SLC7A1: variants seen among roughly 807,000 people sequenced by gnomAD.
The protein encoded by SLC7A1 is solute carrier family 7 member 1.
In SLC7A1, 10 loss-of-function variants were observed where a neutral mutation model predicts 53.9. The observed-to-expected ratio is 0.19, with a 90% confidence interval of 0.11 to 0.31. The LOEUF (loss-of-function observed/expected upper bound fraction) is 0.31, where lower values mean the gene tolerates loss of function less well. Among genes scored for constraint, SLC7A1 ranks in the 10% least tolerant of loss-of-function variants. The pLI, the probability that SLC7A1 is intolerant of heterozygous loss-of-function variation, is 1.00. For missense variants in SLC7A1, 525 were observed against 827.2 expected, an observed-to-expected ratio of 0.63 and a Z score of 4.48; for synonymous variants, 342 against 338.7, an observed-to-expected ratio of 1.01 and a Z score of -0.11.
At position 29,513,472 on chromosome 13, in the gene SLC7A1, A is replaced by C. The variant is rs1448139246; in HGVS notation, c.*1008T>G. ...CAGCTTATGTCAGGGCCAGAAACGC[A>C]TGACCCCGACATGTCCTGACCCCAG... On this transcript the variant is annotated 3_prime_UTR_variant, in exon 13 of 13. Transcript: ENST00000380752. The C allele has an allele frequency of 6.5e-6, 1 of 152,680 alleles. No homozygotes were observed. Among genetic ancestry groups the C allele is most frequent in the Admixed American group, 6.5e-5 (1 of 15,276 alleles). 9.5% of individuals were successfully genotyped at this position (152,680 alleles called of 1,614,324 possible). A position where few individuals can be genotyped will look rare whatever the true frequency, so the allele number is the denominator to read the frequency against.
At chr13:29,519,985 G>A (rs909443275) in intron 8 of SLC7A1, among the ~76,000 whole-genome samples, 58 of 151,980 alleles carry the variant, frequency 3.8e-4, no homozygotes, top group African/African-American at 1.4e-3. Context: ...ACAGACTCAT[G>A]TGCATCCATC....
chr13:29,591,574 G>T (rs1023046395), intron 1 of SLC7A1, among the ~76,000 whole-genome samples: 9 of 152,184 alleles, frequency 5.9e-5, no homozygotes, highest in African/African-American at 2.2e-4. Flanking sequence ...AAAGAAACAG[G>T]AAAGCAGCTG....
intron 1 of SLC7A1, among the ~76,000 whole-genome samples, chr13:29,554,758 C>T (rs1348141181): frequency 2.0e-5 from 3 of 152,158 alleles, no homozygotes; most frequent in Non-Finnish European, 2.9e-5. Flanking sequence ...ATAACTTAGA[C>T]AGCAGCAAAC....
chr13:29,527,571 C>T (rs1162596252), intron 5 of SLC7A1, among the ~76,000 whole-genome samples: 1 of 152,210 alleles, frequency 6.6e-6, no homozygotes, highest in Non-Finnish European at 1.5e-5. Flanking sequence ...AAGAGAGGGG[C>T]TGCCAAGAGC....
intron 2 of SLC7A1, among the ~76,000 whole-genome samples, chr13:29,536,498 G>T (rs1197603992): frequency 6.6e-6 from 1 of 152,178 alleles, no homozygotes; most frequent in African/African-American, 2.4e-5. Flanking sequence ...TCCATGGGTG[G>T]AAATTATGCA....
intron 9 of SLC7A1, 125 bp from the exon 10 acceptor site, chr13:29,517,915 A>G (rs554678944): frequency 1.4e-6 from 1 of 718,188 alleles, no homozygotes; most frequent in East Asian, 2.7e-5. Context: ...TGGGAAGGAT[A>G]TAGTCAAATG....
intron 2 of SLC7A1, among the ~76,000 whole-genome samples, chr13:29,536,783 T>C (rs1869440074): frequency 6.6e-6 from 1 of 152,146 alleles, no homozygotes; most frequent in Non-Finnish European, 1.5e-5. Flanking sequence ...AGCAGAAAAA[T>C]GTTGAGTTAT....
At chr13:29,544,675 A>T (rs1869828703) in intron 2 of SLC7A1, among the ~76,000 whole-genome samples, 1 of 152,162 alleles carries the variant, frequency 6.6e-6, no homozygotes, top group Non-Finnish European at 1.5e-5. Flanking sequence ...GCATTTGACC[A>T]ATGAAAGGTG....
intron 1 of SLC7A1, among the ~76,000 whole-genome samples, chr13:29,555,893 C>A (rs748057694): frequency 2.0e-5 from 3 of 152,100 alleles, no homozygotes. Context: ...TTTGGAAGAT[C>A]CACGTAATTC....
intron 1 of SLC7A1, among the ~76,000 whole-genome samples, chr13:29,566,352 G>A (rs1308579656): frequency 1.3e-5 from 2 of 152,202 alleles, no homozygotes; most frequent in Admixed American, 1.3e-4. Context: ...ATTCATAATA[G>A]GCAAAAAGCA....
chr13:29,562,370 C>G (rs189452420), intron 1 of SLC7A1, among the ~76,000 whole-genome samples: 1 of 152,252 alleles, frequency 6.6e-6, no homozygotes, highest in East Asian at 1.9e-4. Flanking sequence ...GGTTGGGTGT[C>G]TCTGATCCAA....
rs1318130193 is a variant in SLC7A1, at chr13:29,523,313, A to G, written c.1002T>C (p.Gly334=). Residue 334 remains glycine (G), a synonymous_variant, in exon 7 of 13, where the codon GGT becomes GGC. Coordinates refer to ENST00000380752, the MANE Select transcript of SLC7A1 (RefSeq NM_003045.5). Reference sequence around the variant, plus strand: ...AGCCCACGGCCACTGCGTACTTGGCACCTTCCCAGCCCACGTGCTTAAAGG... The same window carrying G: ...AGCCCACGGCCACTGCGTACTTGGCGCCTTCCCAGCCCACGTGCTTAAAGG... The part of the protein sequence containing the change: ...PDAFKHVGWE[G]AKYAVAVGSL... 2 of 1,613,560 alleles carry G rather than the reference A, an allele frequency of 1.2e-6. No individual in the cohort carries two copies. The highest frequency in any genetic ancestry group is 2.7e-5 in the African/African-American group (2 of 74,854).
Position 29,511,143 on chromosome 13 carries a change from G to A in SLC7A1, c.*3337C>T, listed in dbSNP as rs1156998595. ...ATGCACCCTTCCAGCTGTGCACAGG[G>A]ATGTGCTGAAGGTGCAGGAGGCAGT... On this transcript the variant is annotated 3_prime_UTR_variant, in exon 13 of 13. Coordinates refer to ENST00000380752, the MANE Select transcript of SLC7A1 (RefSeq NM_003045.5). 6.6e-6 allele frequency: 1 copy of A among 152,460 alleles called. No homozygotes were observed. Among genetic ancestry groups the A allele is most frequent in the African/African-American group, 2.4e-5 (1 of 41,460 alleles). 9.4% of individuals were successfully genotyped at this position (152,460 alleles called of 1,614,324 possible). A position where few individuals can be genotyped will look rare whatever the true frequency, so the allele number is the denominator to read the frequency against.
At chr13:29,532,392 G>T (rs184805936) in intron 4 of SLC7A1, among the ~76,000 whole-genome samples, 1 of 152,144 alleles carries the variant, frequency 6.6e-6, no homozygotes, top group Non-Finnish European at 1.5e-5. Context: ...ATCTTCAGAC[G>T]CCCCAGGCAC....
chr13:29,571,677 C>T (rs946015946), intron 1 of SLC7A1, among the ~76,000 whole-genome samples: 1 of 152,244 alleles, frequency 6.6e-6, no homozygotes, highest in African/African-American at 2.4e-5. Flanking sequence ...GGGGCGGCTT[C>T]TCCAATTTCT....
intron 1 of SLC7A1, among the ~76,000 whole-genome samples, chr13:29,592,363 A>G (rs1872146274): frequency 6.6e-6 from 1 of 152,242 alleles, no homozygotes; most frequent in African/African-American, 2.4e-5. Context: ...GCCCAGAAAC[A>G]TCTTTTCTGA....
At position 29,590,565 on chromosome 13, in the gene SLC7A1, A is replaced by G. The variant is rs1431314148; in HGVS notation, c.-115+4851T>C. Among the ~76,000 whole-genome samples, 5 of 152,074 alleles carry G rather than the reference A, an allele frequency of 3.3e-5. 1 individual carries two copies. The highest frequency in any genetic ancestry group is 1.2e-4 in the African/African-American group (5 of 41,402). On this transcript the variant is annotated intron_variant, in intron 1 of 12. Coordinates refer to ENST00000380752, the MANE Select transcript of SLC7A1 (RefSeq NM_003045.5). The stretch of plus-strand genomic sequence containing the variant: ...AGGGAGACATCAGGATTCCAAAGAG[A>G]GATGGCTTCAAGTCCATCCAGGCAG...
chr13:29,517,921 A>G, intron 9 of SLC7A1, 131 bp from the exon 10 acceptor site: 1 of 697,044 alleles, frequency 1.4e-6, no homozygotes. Context: ...GGATATAGTC[A>G]AATGCTGCAT....
In SLC7A1 at chr13:29,564,313, G is replaced by A. The variant is rs114887262; in HGVS notation, c.-114-10453C>T. On this transcript the variant is annotated intron_variant, in intron 1 of 12. Coordinates refer to ENST00000380752, the MANE Select transcript of SLC7A1 (RefSeq NM_003045.5). The stretch of plus-strand genomic sequence containing the variant: ...AACACTGCTATTAAGTGCCTACGAT[G>A]CACCAGTGCCCTCTCCTAAGGCACT... Among the ~76,000 whole-genome samples, 392 of 152,286 alleles carry A rather than the reference G, an allele frequency of 2.6e-3. 2 individuals carry two copies. The highest frequency in any genetic ancestry group is 8.8e-3 in the African/African-American group (365 of 41,550).
Sources: gnomAD v4.1 joint callset for allele counts (sites outside exome capture counted in the v4.1 genomes callset) on GRCh38, gnomAD v4.1.1 for gene constraint, MANE v1.5 for transcripts, NCBI Gene and HGNC (gene_info 2026-07-23, HGNC 2026-07-21) for gene names.